Variants in PRSS23 observed in about 807,000 individuals in gnomAD.
PRSS23 encodes protease, serine 23.
Under a neutral mutation model 34.7 loss-of-function variants are expected in PRSS23, and 25 were observed. The ratio of observed to expected loss-of-function variants is 0.72; its 90% confidence interval spans 0.53 to 1.01. PRSS23 has a LOEUF of 1.01. Among genes scored for constraint, PRSS23 ranks in the 50% least tolerant of loss-of-function variants. PRSS23 has a pLI of 0.00. For synonymous variants in PRSS23, 176 were observed against 186.6 expected, an observed-to-expected ratio of 0.94 and a Z score of 0.46; for missense variants, 445 against 475.6, an observed-to-expected ratio of 0.94 and a Z score of 0.60.
At chr11:86,798,592 T>TA (rs1046366196), upstream of PRSS23, among the ~76,000 whole-genome samples, 2 of 152,266 alleles carry the variant, frequency 1.3e-5, no homozygotes, top group Non-Finnish European at 2.9e-5. Flanking sequence ...CAGGAAACGT[T>TA]ACTAATTTCA....
rs150276003 is a variant in PRSS23, at chr11:86,941,729, T to C, written c.207-9487T>C. Among the ~76,000 whole-genome samples the C allele has an allele frequency of 2.2e-3, 336 of 152,200 alleles. 1 individual carries two copies. The highest frequency in any genetic ancestry group is 7.7e-3 in the African/African-American group (319 of 41,518). ...ACTTACAATAGGCAACACAGTGGGG[T>C]AGTCGATCATTCCCTAACCTATCTT... On this transcript the variant is annotated intron_variant, in intron 2 of 2. Transcript: ENST00000533902.
rs1030099259 is a variant in PRSS23, at chr11:86,810,302, A to G, written c.*1507A>G. 1 of 166,540 alleles carries G rather than the reference A, an allele frequency of 6.0e-6. No individual in the cohort carries two copies. Among genetic ancestry groups the G allele is most frequent in the African/African-American group, 2.4e-5 (1 of 41,472 alleles). 10.3% of individuals were successfully genotyped at this position (166,540 alleles called of 1,614,324 possible). ...GTAAACCTGCATTGTAGCAATTTGT[A>G]AGGATATTCAGATGGAGCACTGTCA... On this transcript the variant is annotated 3_prime_UTR_variant, in exon 2 of 2. Coordinates refer to ENST00000280258, the MANE Select transcript of PRSS23 (RefSeq NM_007173.6).
downstream of PRSS23, among the ~76,000 whole-genome samples, chr11:86,812,787 CAAA>C (rs35855610): frequency 2.1e-4 from 18 of 83,900 alleles, no homozygotes; most frequent in Admixed American, 3.8e-4. Context: ...GACTCTGTCT[CAAA>C]AAAAAAAAAA....
At chr11:86,872,529 T>C (rs1208611176) in intron 2 of PRSS23, among the ~76,000 whole-genome samples, 1 of 152,218 alleles carries the variant, frequency 6.6e-6, no homozygotes, top group Non-Finnish European at 1.5e-5. Context: ...CAGAGACAAG[T>C]TTTATTTATA....
At chr11:86,823,392 G>C (rs1356430489) in exon 2 of PRSS23, 1 of 702,340 alleles carries the variant, frequency 1.4e-6, no homozygotes, top group Admixed American at 2.0e-5. Flanking sequence ...TCCCTAATGA[G>C]TAGAATGAGA....
chr11:86,873,525 CTCCCACCTCAGCCTCCCAAAGTG>C (rs1948702042), intron 2 of PRSS23, among the ~76,000 whole-genome samples: 1 of 151,896 alleles, frequency 6.6e-6, no homozygotes, highest in Non-Finnish European at 1.5e-5. Context: ...TCAAGCGATC[CTCCCACCTCAGCCTCCCAAAGTG>C]TTGGGATTGT....
chr11:86,899,267 C>A (rs1256193805), intron 2 of PRSS23, among the ~76,000 whole-genome samples: 5 of 152,090 alleles, frequency 3.3e-5, no homozygotes, highest in African/African-American at 1.2e-4. Context: ...ACCTGTAATA[C>A]CAGAACTTTG....
At chr11:86,837,718 G>A (rs1948417647) in intron 2 of PRSS23, 1 of 152,224 alleles carries the variant, frequency 6.6e-6, no homozygotes, top group East Asian at 1.9e-4. Context: ...AGTGAGCCAA[G>A]ATCACACTGC....
At chr11:86,877,383 C>A in intron 2 of PRSS23, among the ~76,000 whole-genome samples, 1 of 152,226 alleles carries the variant, frequency 6.6e-6, no homozygotes, top group East Asian at 1.9e-4. Flanking sequence ...TTCTTCTGAT[C>A]CCCTTCTCCG....
At chr11:86,939,707 G>T (rs890414910) in intron 2 of PRSS23, among the ~76,000 whole-genome samples, 7 of 148,804 alleles carry the variant, frequency 4.7e-5, no homozygotes, top group Admixed American at 2.0e-4. Context: ...GAAATGTTCA[G>T]GAAGTTAGCT....
intron 1 of PRSS23, among the ~76,000 whole-genome samples, chr11:86,817,501 T>C (rs982258316): frequency 1.3e-5 from 2 of 152,190 alleles, no homozygotes; most frequent in African/African-American, 4.8e-5. Context: ...GGCTCATGGA[T>C]TGTCACCGTA....
chr11:86,893,761 T>C (rs1172710601), intron 2 of PRSS23, among the ~76,000 whole-genome samples: 1 of 152,186 alleles, frequency 6.6e-6, no homozygotes, highest in Non-Finnish European at 1.5e-5. Context: ...GGTAAATTAT[T>C]TACTCTCATA....
chr11:86,866,316 C>T (rs1946202045), intron 2 of PRSS23, among the ~76,000 whole-genome samples: 1 of 152,068 alleles, frequency 6.6e-6, no homozygotes, highest in Non-Finnish European at 1.5e-5. Flanking sequence ...AACCGTAATG[C>T]TCTGAGTACA....
intron 2 of PRSS23, among the ~76,000 whole-genome samples, chr11:86,862,820 A>AG (rs1425748800): frequency 2.0e-5 from 3 of 151,198 alleles, no homozygotes; most frequent in Non-Finnish European, 4.4e-5. Flanking sequence ...ATAATATCCT[A>AG]GGGGGGTGTT....
chr11:86,848,338 A>G (rs1455451020), intron 2 of PRSS23, among the ~76,000 whole-genome samples: 1 of 152,238 alleles, frequency 6.6e-6, no homozygotes, highest in African/African-American at 2.4e-5. Context: ...TAAACAATCC[A>G]TTGAATGGCC....
At chr11:86,857,568 C>A in intron 2 of PRSS23, 34 of 481,718 alleles carry the variant, frequency 7.1e-5, no homozygotes, top group South Asian at 5.2e-4. Context: ...AAAAAGGACA[C>A]CAAAACTAAG....
Position 86,809,469 on chromosome 11 carries a change from G to C in PRSS23, c.*674G>C, listed in dbSNP as rs1476671539. The C allele has an allele frequency of 6.0e-6, 1 of 167,006 alleles. No homozygotes were observed. The highest frequency in any genetic ancestry group is 2.4e-5 in the African/African-American group (1 of 41,414). The allele number at this position is 167,006 out of a possible 1,614,324, so 10.3% of individuals were successfully genotyped here. On this transcript the variant is annotated 3_prime_UTR_variant, in exon 2 of 2. Coordinates refer to ENST00000280258, the MANE Select transcript of PRSS23 (RefSeq NM_007173.6). ...TCCAAAAATAGTTTCTTTTCCAAAG[G>C]TTGTTGCTCTACTTTGTAGGAAGTC... is the stretch of plus-strand genomic sequence containing the variant.
chr11:86,918,980 C>T (rs969120389), intron 2 of PRSS23, among the ~76,000 whole-genome samples: 2 of 152,076 alleles, frequency 1.3e-5, no homozygotes, highest in Non-Finnish European at 2.9e-5. Flanking sequence ...AGAGCATAGG[C>T]GAAATCTCCT....
chr11:86,841,115 G>A (rs1321738958), intron 2 of PRSS23, among the ~76,000 whole-genome samples: 5 of 152,050 alleles, frequency 3.3e-5, no homozygotes, highest in Non-Finnish European at 5.9e-5. Flanking sequence ...TGAGGCAGGC[G>A]AATCACCTGA....
Sources: allele counts gnomAD v4.1 joint callset (sites outside exome capture counted in the v4.1 genomes callset), GRCh38; gene constraint gnomAD v4.1.1; transcripts MANE v1.5; gene names NCBI Gene and HGNC (gene_info 2026-07-23, HGNC 2026-07-21).